The following SMAP1 variants were observed in gnomAD, a reference collection of about 807,000 sequenced individuals.
The protein encoded by SMAP1 is stromal membrane-associated protein 1.
In SMAP1, 24 loss-of-function variants were observed where a neutral mutation model predicts 58.5. The observed-to-expected ratio is 0.41, with a 90% CI of 0.30 to 0.58. The LOEUF is 0.58. SMAP1 is among the 20% of genes least tolerant of loss of function. SMAP1 has a pLI of 0.29. For missense variants in SMAP1, 563 were observed against 566.3 expected (o/e 0.99, Z 0.06); for synonymous variants, 216 against 196.6 (o/e 1.10, Z -0.82).
chr6:70,725,938 A>G (rs1768765923), intron 1 of SMAP1, among the ~76,000 whole-genome samples: 1 of 152,234 alleles, frequency 6.6e-6, no homozygotes, highest in Non-Finnish European at 1.5e-5. Flanking sequence ...TAGCATTTCG[A>G]AAAGCTGACA....
chr6:70,814,426 A>G (rs1769527067), intron 6 of SMAP1, among the ~76,000 whole-genome samples: 1 of 152,176 alleles, frequency 6.6e-6, no homozygotes, highest in African/African-American at 2.4e-5. Flanking sequence ...TAATAATCTT[A>G]TAGAGACTAC....
chr6:70,722,103 A>C (rs1203488569), intron 1 of SMAP1, among the ~76,000 whole-genome samples: 1 of 152,216 alleles, frequency 6.6e-6, no homozygotes, highest in Non-Finnish European at 1.5e-5. Flanking sequence ...CAGGGACAAC[A>C]AATTTGTCAA....
At chr6:70,704,301 G>A (rs2149831856) in intron 1 of SMAP1, among the ~76,000 whole-genome samples, 1 of 152,258 alleles carries the variant, frequency 6.6e-6, no homozygotes, top group Non-Finnish European at 1.5e-5. Context: ...GCTTGATACT[G>A]CTAAGTGAAT....
At chr6:70,842,989 C>G (rs760176298) in intron 7 of SMAP1, among the ~76,000 whole-genome samples, 5 of 152,114 alleles carry the variant, frequency 3.3e-5, no homozygotes, top group Non-Finnish European at 7.4e-5. Context: ...TCACTAGTTG[C>G]AAGAGAGGCT....
At chr6:70,760,363 A>C (rs756794034) in intron 3 of SMAP1, among the ~76,000 whole-genome samples, 3 of 152,038 alleles carry the variant, frequency 2.0e-5, no homozygotes, top group Non-Finnish European at 4.4e-5. Flanking sequence ...TATTGTTCAT[A>C]TGGTTGTCAG....
chr6:70,855,120 C>T (rs575834762), intron 8 of SMAP1, among the ~76,000 whole-genome samples: 12 of 86,912 alleles, frequency 1.4e-4, no homozygotes, highest in African/African-American at 4.7e-4. Flanking sequence ...ACCAACAGTA[C>T]CTAGACATAC....
chr6:70,793,644 T>TAGAGAGAGAGAGAGAGAGAGAGAG (rs70990334), intron 5 of SMAP1, among the ~76,000 whole-genome samples: 2 of 140,346 alleles, frequency 1.4e-5, no homozygotes, highest in African/African-American at 2.7e-5. Flanking sequence ...GGAGAGTAGT[T>TAGAGAGAGAGAGAGAGAGAGAGAG]AGAGAGAGAG....
rs368327900 is a variant in SMAP1, at chr6:70,861,294, AAACCTGTTCAAGTCTACC to A, written c.*981_*998del. The A allele has an allele frequency of 4.3e-4, 81 of 190,584 alleles. No individual in the cohort carries two copies. The East Asian group carries it at 6.8e-3, about 16-fold the overall frequency. 11.8% of individuals were successfully genotyped at this position (190,584 alleles called of 1,614,324 possible). A position where few individuals can be genotyped will look rare whatever the true frequency, so the allele number is the denominator to read the frequency against. ...CTGACAAAATACTTGTCTGTTTTAA[AAACCTGTTCAAGTCTACC>A]AACCTGTTCAAGTCTACCAATTATA... On this transcript the variant is annotated 3_prime_UTR_variant, in exon 11 of 11. Coordinates refer to ENST00000370455, the MANE Select transcript of SMAP1 (RefSeq NM_001044305.3).
intron 6 of SMAP1, among the ~76,000 whole-genome samples, chr6:70,831,009 C>G (rs1270752979): frequency 1.3e-5 from 2 of 152,146 alleles, no homozygotes; most frequent in African/African-American, 2.4e-5. Context: ...TTCTGAACTT[C>G]CTATCTTATT....
intron 3 of SMAP1, among the ~76,000 whole-genome samples, chr6:70,768,550 C>A (rs1000729610): frequency 3.9e-5 from 6 of 152,014 alleles, no homozygotes; most frequent in African/African-American, 1.2e-4. Flanking sequence ...AGGTGTTTGT[C>A]GTATTCTCTG....
At chr6:70,722,476 A>G (rs1229216543) in intron 1 of SMAP1, among the ~76,000 whole-genome samples, 2 of 152,204 alleles carry the variant, frequency 1.3e-5, no homozygotes, top group East Asian at 3.9e-4. Context: ...TGATAGAACT[A>G]TGTGTATGTA....
chr6:70,756,342 A>G (rs1205506328), intron 3 of SMAP1, among the ~76,000 whole-genome samples: 7 of 152,084 alleles, frequency 4.6e-5, no homozygotes, highest in Admixed American at 2.6e-4. Context: ...GTTTATTTCC[A>G]CATTTGGACA....
chr6:70,710,043 C>T (rs545153146), intron 1 of SMAP1, among the ~76,000 whole-genome samples: 54 of 152,078 alleles, frequency 3.6e-4, no homozygotes, highest in Non-Finnish European at 4.3e-4. Flanking sequence ...AACTAGCTGT[C>T]TCTGTGTCTA....
intron 6 of SMAP1, among the ~76,000 whole-genome samples, chr6:70,828,831 T>G (rs1770244569): frequency 6.6e-6 from 1 of 152,166 alleles, no homozygotes; most frequent in Admixed American, 6.6e-5. Context: ...TGGTGATTGC[T>G]CCACTGTACT....
At chr6:70,712,316 G>C (rs1272874169) in intron 1 of SMAP1, among the ~76,000 whole-genome samples, 2 of 152,162 alleles carry the variant, frequency 1.3e-5, no homozygotes, top group Non-Finnish European at 2.9e-5. Context: ...TTTTTAATGT[G>C]TTGTTGAATT....
chr6:70,751,417 C>T (rs1766271184), intron 2 of SMAP1, among the ~76,000 whole-genome samples: 1 of 151,960 alleles, frequency 6.6e-6, no homozygotes, highest in African/African-American at 2.4e-5. Flanking sequence ...TTTCTCCTCA[C>T]TTGCTTGACT....
At chr6:70,714,848 A>C (rs1013138000) in intron 1 of SMAP1, among the ~76,000 whole-genome samples, 5 of 152,164 alleles carry the variant, frequency 3.3e-5, no homozygotes, top group African/African-American at 1.2e-4. Flanking sequence ...TCTCCCCTTC[A>C]GCTTTAAAGG....
At chr6:70,701,331 C>T (rs566286376) in intron 1 of SMAP1, among the ~76,000 whole-genome samples, 2 of 152,070 alleles carry the variant, frequency 1.3e-5, no homozygotes, top group East Asian at 3.9e-4. Flanking sequence ...ATCCACCCGG[C>T]TCTGGATCAC....
chr6:70,802,109 A>G (rs772037086), intron 6 of SMAP1, among the ~76,000 whole-genome samples: 2 of 152,206 alleles, frequency 1.3e-5, no homozygotes, highest in Non-Finnish European at 2.9e-5. Flanking sequence ...CTTGGGCAGT[A>G]TGGCCATTTT....
Sources: gnomAD v4.1 joint callset for allele counts (sites outside exome capture counted in the v4.1 genomes callset) on GRCh38, gnomAD v4.1.1 for gene constraint, MANE v1.5 for transcripts, NCBI Gene and HGNC (gene_info 2026-07-23, HGNC 2026-07-21) for gene names.